STKLD1: variants seen among roughly 807,000 people sequenced by gnomAD.
STKLD1 encodes the protein serine/threonine kinase-like domain-containing protein STKLD1.
STKLD1 carries 79 observed loss-of-function variants against 80.4 expected under a neutral mutation model. The observed-to-expected ratio is 0.98, with a 90% confidence interval of 0.82 to 1.19. The LOEUF is 1.19. STKLD1 is among the 50% of genes most tolerant of loss of function. The pLI is 0.00. For synonymous variants in STKLD1, 393 were observed against 357.6 expected, an observed-to-expected ratio of 1.10 and a Z score of -1.12; for missense variants, 841 against 856.0, an observed-to-expected ratio of 0.98 and a Z score of 0.22.
Position 133,390,725 on chromosome 9 carries a change from G to A in STKLD1, c.512G>A (p.Cys171Tyr), listed in dbSNP as rs2130287176. ...SNIILISSDH[C>Y]KLQDLSSNVL... is the part of the protein sequence containing the mutation. ...ATCATCCTCATCAGCAGTGACCACT[G>A]CAAACTGCAGGACCTGAGTTCCAAT... The change falls in exon 7 of 18, where the codon TGC becomes TAC. Residue 171 changes from cysteine to tyrosine, a missense_variant. Cys to Tyr is a radical substitution (Grantham distance 194). Coordinates refer to ENST00000371957, the MANE Select transcript of STKLD1 (RefSeq NM_153710.5). This position sits in a 1 kb window ranked among gnomAD's most constrained non-coding sequence, Gnocchi z 5.1. 1.2e-6 allele frequency: 2 copies of A among 1,613,894 alleles called. No individual in the cohort carries two copies. The highest frequency in any genetic ancestry group is 1.1e-5 in the South Asian group (1 of 91,076).
intron 2 of STKLD1, among the ~76,000 whole-genome samples, chr9:133,380,037 GC>G (rs1838096239): frequency 6.6e-6 from 1 of 151,972 alleles, no homozygotes; most frequent in Non-Finnish European, 1.5e-5. Flanking sequence ...CAGTTAAGGA[GC>G]TTTTTTTTTT....
rs1554777908 is a variant in STKLD1 at position 133,402,875 on chromosome 9, CAG to C, written c.1340_1341del. 2 of 1,594,828 alleles carry C rather than the reference CAG, an allele frequency of 1.3e-6. No individual in the cohort carries two copies. The highest frequency in any genetic ancestry group is 1.7e-6 in the Non-Finnish European group (2 of 1,170,836). On this transcript the variant is annotated splice_acceptor_variant, in intron 13 of 17. Transcript: ENST00000371957. LOFTEE classifies it high-confidence loss of function. ...TGGGGCCCTCATTCTGGCTCACCCA[CAG>C]AGTCAGAGTCACTGTCAGAGGAGCT...
At position 133,384,707 on chromosome 9, in the gene STKLD1, C is replaced by T. The variant is rs1355408260; in HGVS notation, c.219+807C>T. 6.6e-6 allele frequency: 1 copy of T among 151,834 alleles called. No individual in the cohort carries two copies. The highest frequency in any genetic ancestry group is 1.5e-5 in the Non-Finnish European group (1 of 67,964). The allele number at this position is 151,834 out of a possible 1,614,324, so 9.4% of individuals were successfully genotyped here. A position where few individuals can be genotyped will look rare whatever the true frequency, so the allele number is the denominator to read the frequency against. On this transcript the variant is annotated intron_variant, in intron 3 of 17. Coordinates refer to ENST00000371957, the MANE Select transcript of STKLD1 (RefSeq NM_153710.5). The surrounding 1 kb of genome is among the most constrained non-coding windows in gnomAD (Gnocchi z 4.3). ...GGGGTACAGGCATGTACCACCACAC[C>T]CATACCAGAACTGTTTAACAAAACA...
intron 2 of STKLD1, among the ~76,000 whole-genome samples, chr9:133,380,226 G>C (rs1838099440): frequency 6.6e-6 from 1 of 152,144 alleles, no homozygotes; most frequent in Non-Finnish European, 1.5e-5. Context: ...AGTAGAGACA[G>C]GGTTTCACCG....
At position 133,405,059 on chromosome 9, in the gene STKLD1, C is replaced by G. The variant is rs1039415333; in HGVS notation, c.1873+130C>G. ...CCCACTTCTCGGCCCACTTAAACTT[C>G]CCACTCATTTGGCATCTTCTGAGCA... is the stretch of plus-strand genomic sequence containing the variant. On this transcript the variant is annotated intron_variant, in intron 17 of 17. Coordinates refer to ENST00000371957, the MANE Select transcript of STKLD1 (RefSeq NM_153710.5). 2.1e-6 allele frequency: 3 copies of G among 1,406,994 alleles called. No homozygotes were observed. The African/African-American group carries it at 4.4e-5, about 20-fold the overall frequency. The allele number at this position is 1,406,994 out of a possible 1,614,324, so 87.2% of individuals were successfully genotyped here.
At chr9:133,400,374 G>A (rs1588754896) in intron 11 of STKLD1, 39 bp from the exon 12 acceptor site, 1 of 1,532,370 alleles carries the variant, frequency 6.5e-7, no homozygotes. Context: ...CCCCGATCTG[G>A]CCCAAAATGA....
rs1425995439 is a variant in STKLD1 at position 133,401,111 on chromosome 9, T to C, written c.1198+582T>C. 2.0e-5 allele frequency among the ~76,000 whole-genome samples: 3 copies of C among 149,788 alleles called. No homozygotes were observed. In the East Asian group the frequency reaches 5.8e-4, roughly 29 times the overall value. On this transcript the variant is annotated intron_variant, in intron 12 of 17. Coordinates refer to ENST00000371957, the MANE Select transcript of STKLD1 (RefSeq NM_153710.5). ...GTTAAAAGAGTTGAATTAGCTTTGA[T>C]GATTTTTTTTGAAACAAAAAGTATT...
intron 10 of STKLD1, among the ~76,000 whole-genome samples, chr9:133,397,608 C>T (rs931878362): frequency 4.6e-5 from 7 of 152,200 alleles, no homozygotes; most frequent in Non-Finnish European, 7.3e-5. Flanking sequence ...TCACTGCCCA[C>T]GCCTCCCACA....
In STKLD1 at chr9:133,394,095, C is replaced by T. The variant is rs928153221; in HGVS notation, c.584-196C>T. ...AGTGGCTCCAGATCAACACAAAGCT[C>T]CCGCTGATTGGGGCCTCTTCCTCCC... is the stretch of plus-strand genomic sequence containing the variant. On this transcript the variant is annotated intron_variant, in intron 7 of 17. Coordinates refer to ENST00000371957, the MANE Select transcript of STKLD1 (RefSeq NM_153710.5). The surrounding 1 kb of genome is among the most constrained non-coding windows in gnomAD (Gnocchi z 4.9). 2.8e-5 allele frequency: 17 copies of T among 615,124 alleles called. No homozygotes were observed. Among genetic ancestry groups the T allele is most frequent in the Non-Finnish European group, 4.4e-5 (15 of 341,900 alleles). 38.1% of individuals were successfully genotyped at this position (615,124 alleles called of 1,614,324 possible).
chr9:133,398,179 T>C (rs1490804390), intron 11 of STKLD1, 124 bp downstream of exon 11: 10 of 806,420 alleles, frequency 1.2e-5, no homozygotes, highest in Non-Finnish European at 2.0e-5. Flanking sequence ...TATTGCAGCG[T>C]GGAGGCGTGC....
At chr9:133,391,722 ACT>A (rs2130290077) in intron 7 of STKLD1, among the ~76,000 whole-genome samples, 16 of 151,234 alleles carry the variant, frequency 1.1e-4, no homozygotes, top group Admixed American at 4.6e-4. Context: ...GGACACAAAC[ACT>A]CTGCCTAGGA....
In STKLD1 at chr9:133,385,749, GCAGACTGAGCC is replaced by G. The variant is rs1319155236; in HGVS notation, c.294+63_294+73del. On this transcript the variant is annotated intron_variant, in intron 4 of 17. Coordinates refer to ENST00000371957, the MANE Select transcript of STKLD1 (RefSeq NM_153710.5). This position sits in a 1 kb window ranked among gnomAD's most constrained non-coding sequence, Gnocchi z 4.9. ...GCCACGCAGTGGGCTGCAGGACCAA[GCAGACTGAGCC>G]CAGAGCACGCCCACCCCCCACTGTC... The G allele has an allele frequency of 1.3e-6, 2 of 1,530,996 alleles. No homozygotes were observed. Among genetic ancestry groups the G allele is most frequent in the Non-Finnish European group, 1.8e-6 (2 of 1,108,588 alleles). 94.8% of individuals were successfully genotyped at this position (1,530,996 alleles called of 1,614,324 possible). A position where few individuals can be genotyped will look rare whatever the true frequency, so the allele number is the denominator to read the frequency against.
At chr9:133,392,727 A>G in intron 7 of STKLD1, among the ~76,000 whole-genome samples, 1 of 71,296 alleles carries the variant, frequency 1.4e-5, no homozygotes, top group Non-Finnish European at 2.5e-5. Flanking sequence ...GAGTGGATGG[A>G]TGGATGGATG....
At position 133,394,746 on chromosome 9, in the gene STKLD1, G is replaced by GTTTTT; in HGVS notation, c.702+337_702+338insTTTTT. ...GTGAGCATGAAGGCTGCACGGAGTT[G>GTTTTT]CAAGCAACGGGAACCCAGTGTGGGC... On this transcript the variant is annotated intron_variant, in intron 8 of 17. Coordinates refer to ENST00000371957, the MANE Select transcript of STKLD1 (RefSeq NM_153710.5). The surrounding 1 kb of genome is among the most constrained non-coding windows in gnomAD (Gnocchi z 4.9). 6.6e-6 allele frequency: 2 copies of GTTTTT among 305,236 alleles called. No individual in the cohort carries two copies. Among genetic ancestry groups the GTTTTT allele is most frequent in the South Asian group, 4.6e-5 (1 of 21,880 alleles). 18.9% of individuals were successfully genotyped at this position (305,236 alleles called of 1,614,324 possible).
intron 4 of STKLD1, among the ~76,000 whole-genome samples, chr9:133,386,108 G>A (rs903734196): frequency 2.6e-5 from 4 of 152,052 alleles, no homozygotes; most frequent in Non-Finnish European, 5.9e-5. Context: ...TAGTAGAGAC[G>A]GGGTTTCACC....
rs782616875 is a variant in STKLD1, at chr9:133,395,762, A to C, written c.865A>C (p.Lys289Gln). Residue 289 changes from lysine (K) to glutamine (Q), a missense_variant and splice_region_variant, in exon 9 of 18, where the codon AAG becomes CAG. Coordinates refer to ENST00000371957, the MANE Select transcript of STKLD1 (RefSeq NM_153710.5). Reference protein sequence around the residue: ...QIDPSDRITIKDVVHITFLRG... With the variant: ...QIDPSDRITIQDVVHITFLRG... Reference sequence around the variant, plus strand: ...CGACCCCTCGGATCGAATAACGATAAAGTGAGCTCAGGGTCGGGGTTTATT... The same window carrying C: ...CGACCCCTCGGATCGAATAACGATACAGTGAGCTCAGGGTCGGGGTTTATT... 13 of 1,613,060 alleles carry C rather than the reference A, an allele frequency of 8.1e-6. 1 individual carries two copies. In the South Asian group the frequency reaches 1.4e-4, roughly 18 times the overall value.
chr9:133,395,746 G>C lies in STKLD1; in HGVS notation c.849G>C (p.Ser283=), dbSNP rs376464134. 2 of 1,613,366 alleles carry C rather than the reference G, an allele frequency of 1.2e-6. No homozygotes were observed. Among genetic ancestry groups the C allele is most frequent in the East Asian group, 2.2e-5 (1 of 44,882 alleles). Residue 283 remains serine, a synonymous_variant, in exon 9 of 18, where the codon TCG becomes TCC. Transcript: ENST00000371957. ...LLPLMLQIDP[S]DRITIKDVVH... is the part of the protein sequence containing the mutation. ...CCTTGATGCTCCAGATCGACCCCTC[G>C]GATCGAATAACGATAAAGTGAGCTC...
chr9:133,393,601 G>A (rs867304731), intron 7 of STKLD1, among the ~76,000 whole-genome samples: 7 of 130,966 alleles, frequency 5.3e-5, no homozygotes, highest in African/African-American at 6.2e-5. Flanking sequence ...GGGTGAGTGA[G>A]TGAATGGGTG....
chr9:133,393,328 A>G (rs1838465014), intron 7 of STKLD1, among the ~76,000 whole-genome samples: 5 of 33,558 alleles, frequency 1.5e-4, no homozygotes, highest in East Asian at 9.8e-4. Flanking sequence ...GGGTGAGTGG[A>G]TGGATAGGTG....
Sources: allele counts gnomAD v4.1 joint callset (sites outside exome capture counted in the v4.1 genomes callset), GRCh38; gene constraint gnomAD v4.1.1; non-coding constraint Gnocchi (gnomAD v3.1); transcripts MANE v1.5; gene names NCBI Gene and HGNC (gene_info 2026-07-23, HGNC 2026-07-21).